The following PXT1 variants were observed in gnomAD, a reference collection of about 807,000 sequenced individuals.
PXT1 encodes the protein peroxisomal testis enriched protein 1.
A neutral mutation model predicts 11.0 loss-of-function variants in PXT1; 11 were observed. That is an observed-to-expected ratio of 1.00 (90% CI 0.63 to 1.66). The LOEUF (loss-of-function observed/expected upper bound fraction) is 1.66, where lower values mean the gene tolerates loss of function less well. Among genes scored for constraint, PXT1 ranks in the 40% most tolerant of loss-of-function variants. The probability of loss-of-function intolerance (pLI) is 0.00; values close to 1 mark genes in which losing one functional copy is unlikely to be tolerated. For synonymous variants in PXT1, 43 were observed against 51.4 expected, an observed-to-expected ratio of 0.84 and a Z score of 0.70; for missense variants, 141 against 155.5, an observed-to-expected ratio of 0.91 and a Z score of 0.49.
At chr6:36,423,708 G>A (rs370045892) in intron 3 of PXT1, among the ~76,000 whole-genome samples, 16 of 152,134 alleles carry the variant, frequency 1.1e-4, no homozygotes, top group African/African-American at 3.9e-4. Context: ...TAAAGATGAA[G>A]GGGAGAAACG....
chr6:36,421,977 C>G (rs1000050759), intron 3 of PXT1, among the ~76,000 whole-genome samples: 1 of 152,154 alleles, frequency 6.6e-6, no homozygotes, highest in Non-Finnish European at 1.5e-5. Flanking sequence ...TCTCTCACTA[C>G]TTTGTCTACA....
At chr6:36,427,800 T>G (rs1248792251) in intron 2 of PXT1, among the ~76,000 whole-genome samples, 2 of 152,172 alleles carry the variant, frequency 1.3e-5, no homozygotes, top group African/African-American at 2.4e-5. Context: ...AGTAGCCACA[T>G]GCAGCCAGTG....
intron 3 of PXT1, among the ~76,000 whole-genome samples, chr6:36,403,668 G>T (rs1774245220): frequency 6.6e-6 from 1 of 152,158 alleles, no homozygotes; most frequent in Non-Finnish European, 1.5e-5. Flanking sequence ...GAGCTCAGGA[G>T]ACCACTCTGG....
chr6:36,424,492 G>T (rs1774573828), intron 3 of PXT1, among the ~76,000 whole-genome samples: 1 of 151,428 alleles, frequency 6.6e-6, no homozygotes, highest in African/African-American at 2.4e-5. Context: ...ATACAAAAAT[G>T]AGCCGGGCGT....
At chr6:36,410,387 T>C (rs1309139403) in intron 3 of PXT1, among the ~76,000 whole-genome samples, 1 of 145,428 alleles carries the variant, frequency 6.9e-6, no homozygotes, top group Non-Finnish European at 1.5e-5. Context: ...GAGGCGGAGG[T>C]TGCAGTGAGC....
intron 3 of PXT1, among the ~76,000 whole-genome samples, chr6:36,405,201 T>TA (rs984897523): frequency 2.8e-4 from 43 of 152,030 alleles, no homozygotes; most frequent in Admixed American, 8.5e-4. Flanking sequence ...AAGTAAAACA[T>TA]AAAAAAATTT....
At chr6:36,434,161 G>A (rs1774731781) in intron 2 of PXT1, among the ~76,000 whole-genome samples, 1 of 151,148 alleles carries the variant, frequency 6.6e-6, no homozygotes. Context: ...GTAAGACCCT[G>A]TCTCTAAAAA....
At chr6:36,408,703 C>CAA (rs60161051) in intron 3 of PXT1, among the ~76,000 whole-genome samples, 6 of 113,422 alleles carry the variant, frequency 5.3e-5, no homozygotes, top group Non-Finnish European at 8.9e-5. Flanking sequence ...CTGTCTCTAC[C>CAA]AAAAAAAAAA....
At chr6:36,397,503 G>C (rs1249212913) in intron 4 of PXT1, among the ~76,000 whole-genome samples, 1 of 152,114 alleles carries the variant, frequency 6.6e-6, no homozygotes, top group Non-Finnish European at 1.5e-5. Context: ...TAAAATGTAT[G>C]TAAAAATTAA....
intron 1 of PXT1, among the ~76,000 whole-genome samples, chr6:36,440,770 G>C (rs993333665): frequency 1.3e-5 from 2 of 152,082 alleles, no homozygotes; most frequent in African/African-American, 2.4e-5. Flanking sequence ...CTGATATGCT[G>C]TTCATTATAT....
intron 3 of PXT1, among the ~76,000 whole-genome samples, chr6:36,418,687 A>G (rs6919571): frequency 0.47 from 71,123 of 152,120 alleles, 17,132 homozygotes; most frequent in Middle Eastern, 0.58. Context: ...GATTGAAAAA[A>G]AATCACCTTT....
At chr6:36,429,660 C>T (rs147878847) in intron 2 of PXT1, among the ~76,000 whole-genome samples, 3,562 of 151,068 alleles carry the variant, frequency 0.024, 133 homozygotes, top group African/African-American at 0.08. Context: ...TGCACACCAC[C>T]ATGCCTGGCT....
Position 36,431,583 on chromosome 6 carries a change from G to A in PXT1, c.-9-5492C>T, listed in dbSNP as rs567075090. Among the ~76,000 whole-genome samples the A allele has an allele frequency of 9.2e-5, 14 of 152,124 alleles. 1 individual carries two copies. The South Asian group carries it at 2.3e-3, about 25-fold the overall frequency. The stretch of plus-strand genomic sequence containing the variant: ...GGAGTTCAGGAACAGCCTGGGCAAC[G>A]TGATGAAACCGTGTCTCTACAAAAA... On this transcript the variant is annotated intron_variant, in intron 2 of 4. Transcript: ENST00000454782.
chr6:36,418,818 G>A (rs1774486662), intron 3 of PXT1, among the ~76,000 whole-genome samples: 1 of 152,198 alleles, frequency 6.6e-6, no homozygotes, highest in Admixed American at 6.5e-5. Flanking sequence ...AGAGGCCACT[G>A]AGCCACAGCT....
chr6:36,426,153 G>A (rs1774603278), intron 2 of PXT1, 62 bp from the exon 3 acceptor site: 5 of 1,026,380 alleles, frequency 4.9e-6, no homozygotes, highest in Non-Finnish European at 6.9e-6. Context: ...TGGTATTTTA[G>A]ATAAATATTA....
At chr6:36,435,136 A>T (rs1490542192) in intron 2 of PXT1, among the ~76,000 whole-genome samples, 1 of 152,194 alleles carries the variant, frequency 6.6e-6, no homozygotes, top group Non-Finnish European at 1.5e-5. Context: ...TTTAGAGAAG[A>T]AATTATCAAA....
At chr6:36,418,683 A>C (rs893432804) in intron 3 of PXT1, among the ~76,000 whole-genome samples, 3 of 152,242 alleles carry the variant, frequency 2.0e-5, no homozygotes, top group Non-Finnish European at 4.4e-5. Flanking sequence ...TAGAGATTGA[A>C]AAAAAATCAC....
rs1358323900 is a variant in PXT1 at position 36,426,065 on chromosome 6, A to G, written c.18T>C (p.Asp6=). Residue 6 remains aspartate (D), a synonymous_variant, in exon 3 of 5, where the codon GAT becomes GAC. Transcript: ENST00000454782. Reference sequence around the variant, plus strand: ...CTTCTTTAGTTTCATAAACAATGCCATCATGTTTTTTCTTCATGTTTTTTC... The same window carrying G: ...CTTCTTTAGTTTCATAAACAATGCCGTCATGTTTTTTCTTCATGTTTTTTC... MKKKH[D]GIVYETKEVL... The G allele has an allele frequency of 2.0e-6, 3 of 1,512,962 alleles. No individual in the cohort carries two copies. The South Asian group carries it at 3.8e-5, about 19-fold the overall frequency. The allele number at this position is 1,512,962 out of a possible 1,614,324, so 93.7% of individuals were successfully genotyped here.
intron 3 of PXT1, among the ~76,000 whole-genome samples, chr6:36,423,474 G>A (rs1434517062): frequency 6.6e-6 from 1 of 152,224 alleles, no homozygotes; most frequent in Non-Finnish European, 1.5e-5. Context: ...AATGGGGAGC[G>A]CACATGGCGA....
Sources: allele counts gnomAD v4.1 joint callset (sites outside exome capture counted in the v4.1 genomes callset), GRCh38; gene constraint gnomAD v4.1.1; transcripts MANE v1.5; gene names NCBI Gene and HGNC (gene_info 2026-07-23, HGNC 2026-07-21).